The following MAP2 variants were observed in gnomAD, a reference collection of about 807,000 sequenced individuals.
MAP2 encodes the protein microtubule associated protein 2.
In MAP2, 14 loss-of-function variants were observed where a neutral mutation model predicts 137.6. That is an observed-to-expected ratio of 0.10 (90% CI 0.07 to 0.16). The LOEUF (loss-of-function observed/expected upper bound fraction) is 0.16, where lower values mean the gene tolerates loss of function less well. MAP2 is among the 10% of genes least tolerant of loss of function. The pLI, the probability that MAP2 is intolerant of heterozygous loss-of-function variation, is 1.00. For synonymous variants in MAP2, 786 were observed against 782.3 expected (o/e 1.00, Z -0.08); for missense variants, 2,088 against 2,191.5 (o/e 0.95, Z 0.94).
chr2:209,468,264 CAGTTTTTAGAAAACTAAAA>C (rs1704648240), intron 1 of MAP2, among the ~76,000 whole-genome samples: 1 of 148,048 alleles, frequency 6.8e-6, no homozygotes, highest in Non-Finnish European at 1.5e-5. Flanking sequence ...AGGCTAATTT[CAGTTTTTAGAAAACTAAAA>C]AGTCTCATGG....
intron 2 of MAP2, among the ~76,000 whole-genome samples, chr2:209,526,541 G>T (rs2064085343): frequency 6.7e-6 from 1 of 148,370 alleles, no homozygotes; most frequent in Non-Finnish European, 1.5e-5. Flanking sequence ...AGATTTATTT[G>T]GGTAAAATAC....
Position 209,730,514 on chromosome 2 carries a change from C to G in MAP2, c.*117C>G. Reference sequence around the variant, plus strand: ...AACCATAAAATAAATAATCTCATCCCCAAACTGTAGTAATTGTTACAATTT... The same window carrying G: ...AACCATAAAATAAATAATCTCATCCGCAAACTGTAGTAATTGTTACAATTT... On this transcript the variant is annotated 3_prime_UTR_variant, in exon 16 of 16. Transcript: ENST00000682079. 1.4e-6 allele frequency: 1 copy of G among 705,698 alleles called. No individual in the cohort carries two copies. The allele number at this position is 705,698 out of a possible 1,614,324, so 43.7% of individuals were successfully genotyped here.
intron 3 of MAP2, among the ~76,000 whole-genome samples, chr2:209,611,823 T>C (rs2086983298): frequency 6.6e-6 from 1 of 152,118 alleles, no homozygotes; most frequent in Non-Finnish European, 1.5e-5. Context: ...GAGGTAACAC[T>C]TTACAGGCAG....
At chr2:209,543,562 T>C (rs772116325) in intron 2 of MAP2, among the ~76,000 whole-genome samples, 5 of 152,248 alleles carry the variant, frequency 3.3e-5, no homozygotes, top group Non-Finnish European at 7.3e-5. Flanking sequence ...CAATGCTGTA[T>C]AGTATTCATA....
At chr2:209,537,034 T>A (rs2066063252) in intron 2 of MAP2, among the ~76,000 whole-genome samples, 1 of 152,222 alleles carries the variant, frequency 6.6e-6, no homozygotes, top group African/African-American at 2.4e-5. Context: ...CCTAATTTTG[T>A]TGTGCTTTGC....
intron 5 of MAP2, among the ~76,000 whole-genome samples, chr2:209,667,708 C>T (rs767512507): frequency 6.6e-6 from 1 of 151,792 alleles, no homozygotes; most frequent in African/African-American, 2.4e-5. Context: ...TTTCCATATC[C>T]TCAACAAGCC....
intron 13 of MAP2, among the ~76,000 whole-genome samples, chr2:209,714,148 C>T (rs559182338): frequency 6.6e-6 from 1 of 152,204 alleles, no homozygotes. Context: ...TTGCAGTGAG[C>T]CAAGACCACG....
At chr2:209,539,696 A>G (rs1049088229) in intron 2 of MAP2, among the ~76,000 whole-genome samples, 1 of 150,884 alleles carries the variant, frequency 6.6e-6, no homozygotes, top group African/African-American at 2.5e-5. Flanking sequence ...ATGAATTTTT[A>G]AAATTAACAA....
intron 7 of MAP2, among the ~76,000 whole-genome samples, chr2:209,684,963 C>G (rs930093758): frequency 7.9e-5 from 12 of 150,976 alleles, no homozygotes; most frequent in Non-Finnish European, 1.6e-4. Flanking sequence ...TCTGAGTACA[C>G]TGAAGACACA....
At chr2:209,656,303 C>T (rs953136735) in intron 5 of MAP2, among the ~76,000 whole-genome samples, 4 of 151,852 alleles carry the variant, frequency 2.6e-5, no homozygotes, top group Admixed American at 6.6e-5. Context: ...ATTGCTTGAG[C>T]CCAGGAATTC....
intron 1 of MAP2, among the ~76,000 whole-genome samples, chr2:209,502,754 T>G (rs527501419): frequency 3.2e-4 from 48 of 152,284 alleles, no homozygotes; most frequent in African/African-American, 1.1e-3. Context: ...CACTTATTTT[T>G]TATCTTCTTA....
intron 13 of MAP2, among the ~76,000 whole-genome samples, chr2:209,713,955 A>G (rs1248741705): frequency 1.3e-5 from 2 of 152,026 alleles, no homozygotes; most frequent in Non-Finnish European, 2.9e-5. Flanking sequence ...TTGGGAGGCC[A>G]AGGCAGCGGG....
chr2:209,544,083 A>T (rs1674518911), intron 2 of MAP2, among the ~76,000 whole-genome samples: 1 of 152,032 alleles, frequency 6.6e-6, no homozygotes, highest in Non-Finnish European at 1.5e-5. Context: ...CAAAAACAAA[A>T]TTAGCCAGGC....
chr2:209,684,731 C>T (rs1338844011), intron 7 of MAP2: 7 of 151,916 alleles, frequency 4.6e-5, no homozygotes, highest in Non-Finnish European at 2.9e-5. Context: ...ATAAGGTTAC[C>T]CTGTTTTTAG....
chr2:209,508,532 C>CT, intron 2 of MAP2, among the ~76,000 whole-genome samples: 1 of 151,458 alleles, frequency 6.6e-6, no homozygotes, highest in African/African-American at 2.4e-5. Context: ...CCTCACTTTC[C>CT]TACAACCAAA....
At chr2:209,716,269 A>G (rs1022522933) in intron 13 of MAP2, among the ~76,000 whole-genome samples, 4 of 152,232 alleles carry the variant, frequency 2.6e-5, no homozygotes, top group African/African-American at 4.8e-5. Context: ...TGTCCCATAC[A>G]TAGTAGGTGC....
chr2:209,499,774 TG>T (rs897782198), intron 1 of MAP2, among the ~76,000 whole-genome samples: 1 of 150,630 alleles, frequency 6.6e-6, no homozygotes, highest in African/African-American at 2.4e-5. Context: ...AGACAGGGGG[TG>T]GGGAGGAAAA....
intron 2 of MAP2, among the ~76,000 whole-genome samples, chr2:209,578,073 A>C (rs928519432): frequency 7.9e-5 from 12 of 152,210 alleles, no homozygotes; most frequent in Non-Finnish European, 2.9e-5. Context: ...AAAAGAGAGC[A>C]GGGAAAGAAA....
intron 1 of MAP2, among the ~76,000 whole-genome samples, chr2:209,455,926 C>A (rs1439117257): frequency 6.6e-6 from 1 of 150,544 alleles, no homozygotes; most frequent in Non-Finnish European, 1.5e-5. Flanking sequence ...AAGTGCCAGG[C>A]ATATTATTAA....
Sources: gnomAD v4.1 joint callset for allele counts (sites outside exome capture counted in the v4.1 genomes callset) on GRCh38, gnomAD v4.1.1 for gene constraint, MANE v1.5 for transcripts, NCBI Gene and HGNC (gene_info 2026-07-23, HGNC 2026-07-21) for gene names.